USP22: variants seen among roughly 807,000 people sequenced by gnomAD.
USP22 encodes the protein ubiquitin carboxyl-terminal hydrolase 22.
USP22 carries 22 observed loss-of-function variants against 68.1 expected under a neutral mutation model. The observed-to-expected ratio is 0.32, with a 90% CI of 0.23 to 0.46. The LOEUF (loss-of-function observed/expected upper bound fraction) is 0.46, where lower values mean the gene tolerates loss of function less well. Ranked by LOEUF, USP22 falls within the 20% of genes least tolerant of loss-of-function variation. The pLI, the probability that USP22 is intolerant of heterozygous loss-of-function variation, is 1.00. For missense variants in USP22, 433 were observed against 695.8 expected (o/e 0.62, Z 4.25); for synonymous variants, 279 against 274.2 (o/e 1.02, Z -0.17).
chr17:21,015,941 T>C (rs756806997), intron 5 of USP22, 42 bp from the exon 6 acceptor site: 1 of 1,606,284 alleles, frequency 6.2e-7, no homozygotes, highest in Non-Finnish European at 8.5e-7. Flanking sequence ...GGAATAAATG[T>C]AGACTCTGAA....
chr17:21,012,315 G>A (rs1282748268), intron 7 of USP22, among the ~76,000 whole-genome samples: 2 of 152,084 alleles, frequency 1.3e-5, no homozygotes, highest in African/African-American at 2.4e-5. Flanking sequence ...TTGGGTGAGA[G>A]GGTCCCCTGA....
At chr17:21,008,036 G>A (rs754666837) in intron 8 of USP22, 40 bp from the exon 9 acceptor site, 3 of 1,592,532 alleles carry the variant, frequency 1.9e-6, no homozygotes, top group East Asian at 2.3e-5. Flanking sequence ...TAAGGGAGAT[G>A]CAAGAGACAG....
chr17:21,002,848 C>T lies in USP22; in HGVS notation c.*183G>A, dbSNP rs1555588549. On this transcript the variant is annotated 3_prime_UTR_variant, in exon 13 of 13. Transcript: ENST00000261497. ...TTCAAAGCAGCTCCAGGAGCCTCCC[C>T]GTCCGTGTGGTCCATCCCGACCCGA... is the stretch of plus-strand genomic sequence containing the variant. 2.5e-5 allele frequency: 17 copies of T among 672,904 alleles called. No individual in the cohort carries two copies. Among genetic ancestry groups the T allele is most frequent in the African/African-American group, 3.6e-5 (2 of 55,528 alleles). 41.7% of individuals were successfully genotyped at this position (672,904 alleles called of 1,614,324 possible).
chr17:21,009,518 T>C (rs1040621677), intron 8 of USP22, among the ~76,000 whole-genome samples: 1 of 152,196 alleles, frequency 6.6e-6, no homozygotes, highest in Non-Finnish European at 1.5e-5. Flanking sequence ...CACCACATCA[T>C]GTCTCTCCTA....
chr17:21,012,652 G>A (rs1449880877), intron 7 of USP22, among the ~76,000 whole-genome samples, 178 bp downstream of exon 7: 1 of 151,286 alleles, frequency 6.6e-6, no homozygotes, highest in Admixed American at 6.6e-5. Flanking sequence ...CCTGCCCTAC[G>A]ACCTCCCCAA....
intron 2 of USP22, 21 bp downstream of exon 2, chr17:21,028,521 C>G (rs769168433): frequency 1.2e-6 from 2 of 1,612,538 alleles, no homozygotes; most frequent in Middle Eastern, 1.7e-4. Context: ...ACTATCCCCC[C>G]ATCCCAGAAG....
intron 6 of USP22, 29 bp downstream of exon 6, chr17:21,015,723 T>TGGTGGAG (rs773217300): frequency 1.3e-6 from 2 of 1,591,212 alleles, no homozygotes. Flanking sequence ...CATCCTGCCC[T>TGGTGGAG]GGTGGAGGGT....
intron 1 of USP22, among the ~76,000 whole-genome samples, chr17:21,041,267 A>G (rs1395084731): frequency 6.6e-6 from 1 of 152,174 alleles, no homozygotes; most frequent in Non-Finnish European, 1.5e-5. Flanking sequence ...ATTTTAGTTC[A>G]TCCAGACATA....
At chr17:21,030,572 C>G (rs187470785) in intron 1 of USP22, among the ~76,000 whole-genome samples, 1 of 152,212 alleles carries the variant, frequency 6.6e-6, no homozygotes, top group Admixed American at 6.5e-5. Context: ...ACAGAGCAGG[C>G]AAGTGCAGAG....
intron 8 of USP22, among the ~76,000 whole-genome samples, chr17:21,009,862 G>A (rs896596610): frequency 2.6e-5 from 4 of 152,128 alleles, no homozygotes; most frequent in East Asian, 1.9e-4. Context: ...GGTTGAGGCC[G>A]GAGAATCACG....
At chr17:21,038,358 C>A (rs148581423) in intron 1 of USP22, among the ~76,000 whole-genome samples, 227 of 152,052 alleles carry the variant, frequency 1.5e-3, no homozygotes, top group African/African-American at 5.2e-3. Context: ...CTGGCTGAGC[C>A]AGTAAAGACA....
intron 2 of USP22, among the ~76,000 whole-genome samples, chr17:21,022,943 T>C (rs1327947994): frequency 6.6e-6 from 1 of 152,224 alleles, no homozygotes; most frequent in African/African-American, 2.4e-5. Context: ...TGCTCACCAA[T>C]GGTGGACTGG....
At chr17:21,017,876 ATT>A in intron 5 of USP22, 64 bp downstream of exon 5, 1 of 1,459,034 alleles carries the variant, frequency 6.9e-7, no homozygotes. Context: ...TCCACCTTAA[ATT>A]TTTTTTTTGA....
At chr17:21,040,566 T>C (rs182108084) in intron 1 of USP22, among the ~76,000 whole-genome samples, 27 of 152,036 alleles carry the variant, frequency 1.8e-4, no homozygotes, top group Admixed American at 1.8e-3. Flanking sequence ...GCAACTGACA[T>C]CTGAAATTAA....
rs746009969 is a variant in USP22 at position 21,011,168 on chromosome 17, G to A, written c.1086C>T (p.Leu362=). ...CCTCTCACCGTCGCAGGCAGTCCGT[G>A]AGCGTGGTGGTTCCCGACACGTGGC... ...GESHVSGTTT[L]TDCLRRFTRP... Residue 362 remains leucine, a synonymous_variant, in exon 8 of 13, where the codon CTC becomes CTT. Transcript: ENST00000261497. 4 of 1,603,936 alleles carry A rather than the reference G, an allele frequency of 2.5e-6. No homozygotes were observed. The highest frequency in any genetic ancestry group is 4.5e-5 in the East Asian group (2 of 44,798).
Position 21,012,849 on chromosome 17 carries a change from CGT to C in USP22, c.923_924del (p.Asp308GlyfsTer80). On this transcript the variant is annotated frameshift_variant, in exon 7 of 13. Coordinates refer to ENST00000261497, the MANE Select transcript of USP22 (RefSeq NM_015276.2). LOFTEE classifies it high-confidence loss of function. ...ACTTACTGGCAGACTTGGCAGGTGA[CGT>C]CTGACTGCAACCCGCCTGTGAAGAT... ...DQIFTGGLQS[D>X]VTCQVCHGVS... is the part of the protein sequence containing the mutation. The C allele has an allele frequency of 6.2e-7, 1 of 1,613,970 alleles. No homozygotes were observed. The highest frequency in any genetic ancestry group is 1.1e-5 in the South Asian group (1 of 91,070).
chr17:21,022,821 A>C (rs1021166304), intron 2 of USP22, among the ~76,000 whole-genome samples: 1 of 151,326 alleles, frequency 6.6e-6, no homozygotes, highest in Non-Finnish European at 1.5e-5. Context: ...AAACCAAATG[A>C]ACCAGGATTA....
intron 6 of USP22, among the ~76,000 whole-genome samples, chr17:21,014,887 A>G (rs576910836): frequency 1.3e-5 from 2 of 152,342 alleles, no homozygotes; most frequent in East Asian, 3.9e-4. Flanking sequence ...CATCTGAACC[A>G]GCGGCATCAA....
chr17:21,037,792 C>T (rs745609870), intron 1 of USP22, among the ~76,000 whole-genome samples: 1 of 152,066 alleles, frequency 6.6e-6, no homozygotes, highest in Non-Finnish European at 1.5e-5. Flanking sequence ...GAAGTAAAAG[C>T]GGGGAAATCT....
Sources: gnomAD v4.1 joint callset for allele counts (sites outside exome capture counted in the v4.1 genomes callset) on GRCh38, gnomAD v4.1.1 for gene constraint, MANE v1.5 for transcripts, NCBI Gene and HGNC (gene_info 2026-07-23, HGNC 2026-07-21) for gene names.